Variants in SGMS1 observed in about 807,000 individuals in gnomAD.
SGMS1 encodes the protein sphingomyelin synthase 1, also known as phosphatidylcholine:ceramide cholinephosphotransferase 1.
Under a neutral mutation model 46.2 loss-of-function variants are expected in SGMS1, and 13 were observed. That is an observed-to-expected ratio of 0.28 (90% CI 0.18 to 0.45). The LOEUF is 0.45. Among genes scored for constraint, SGMS1 ranks in the 20% least tolerant of loss-of-function variants. The probability of loss-of-function intolerance (pLI) is 1.00; values close to 1 mark genes in which losing one functional copy is unlikely to be tolerated. For missense variants in SGMS1, 324 were observed against 519.9 expected (o/e 0.62, Z 3.66); for synonymous variants, 203 against 187.8 (o/e 1.08, Z -0.66).
At chr10:50,360,022 T>G (rs985671807) in intron 6 of SGMS1, among the ~76,000 whole-genome samples, 23 of 152,192 alleles carry the variant, frequency 1.5e-4, no homozygotes, top group African/African-American at 4.8e-4. Context: ...GGGAAAGGAT[T>G]TTTTCCCCCA....
At chr10:50,308,205 C>A in intron 9 of SGMS1, 57 bp from the exon 10 acceptor site, 1 of 1,481,286 alleles carries the variant, frequency 6.8e-7, no homozygotes, top group Admixed American at 1.9e-5. Flanking sequence ...TAAGGGCACC[C>A]AACTATGCCT....
intron 2 of SGMS1, among the ~76,000 whole-genome samples, chr10:50,523,636 A>C (rs1837874682): frequency 6.6e-6 from 1 of 152,218 alleles, no homozygotes; most frequent in African/African-American, 2.4e-5. Context: ...GCATATTCTT[A>C]GGGATGGAGA....
At chr10:50,537,966 T>C (rs11006073) in intron 2 of SGMS1, among the ~76,000 whole-genome samples, 1 of 152,032 alleles carries the variant, frequency 6.6e-6, no homozygotes, top group Non-Finnish European at 1.5e-5. Context: ...TATTAAATGT[T>C]TGGTCAGTTC....
intron 1 of SGMS1, among the ~76,000 whole-genome samples, chr10:50,619,207 C>A (rs1838825291): frequency 6.6e-6 from 1 of 152,056 alleles, no homozygotes; most frequent in African/African-American, 2.4e-5. Flanking sequence ...GTGAGTTAAG[C>A]ATCCATCATT....
chr10:50,587,629 A>ATGTGTG lies in SGMS1; in HGVS notation c.-589+2523_-589+2524insCACACA, dbSNP rs1360715847. On this transcript the variant is annotated intron_variant, in intron 2 of 10. Coordinates refer to ENST00000361781, the MANE Select transcript of SGMS1 (RefSeq NM_147156.4). ...ACAGAGCAAGACTGCATCTCAAAAT[A>ATGTGTG]TATATGTGTGTGTGTGTGTGTGTGT... 8.9e-5 allele frequency among the ~76,000 whole-genome samples: 7 copies of ATGTGTG among 79,014 alleles called. No homozygotes were observed. In the South Asian group the frequency reaches 1.8e-3, roughly 21 times the overall value. 51.8% of individuals were successfully genotyped at this position (79,014 alleles called of 152,430 possible). A position where few individuals can be genotyped will look rare whatever the true frequency, so the allele number is the denominator to read the frequency against.
chr10:50,595,885 T>TCCACTGGGCAGGG (rs1168901430), intron 1 of SGMS1, among the ~76,000 whole-genome samples: 1 of 152,156 alleles, frequency 6.6e-6, no homozygotes, highest in Non-Finnish European at 1.5e-5. Context: ...ACGACTGGGT[T>TCCACTGGGCAGGG]CCACTGGGCA....
At chr10:50,493,127 A>C (rs938482157) in intron 3 of SGMS1, among the ~76,000 whole-genome samples, 1 of 152,182 alleles carries the variant, frequency 6.6e-6, no homozygotes, top group Admixed American at 6.5e-5. Context: ...ACACATAAAC[A>C]AAAGAAACAG....
chr10:50,438,784 C>A (rs1269178760), intron 5 of SGMS1, among the ~76,000 whole-genome samples: 3 of 152,156 alleles, frequency 2.0e-5, no homozygotes, highest in Non-Finnish European at 4.4e-5. Context: ...TTAGCACACA[C>A]CCTCCAATTC....
At chr10:50,389,051 T>C (rs188313214) in intron 6 of SGMS1, among the ~76,000 whole-genome samples, 31 of 152,368 alleles carry the variant, frequency 2.0e-4, no homozygotes, top group Admixed American at 1.6e-3. Context: ...AGTTTCACTA[T>C]AGTAATTGTT....
At chr10:50,579,925 C>A (rs1413855845) in intron 2 of SGMS1, among the ~76,000 whole-genome samples, 1 of 151,994 alleles carries the variant, frequency 6.6e-6, no homozygotes, top group East Asian at 1.9e-4. Context: ...GCGTAAGACT[C>A]CAGGTAAGAT....
chr10:50,581,656 C>T (rs1461476275), intron 2 of SGMS1, among the ~76,000 whole-genome samples: 2 of 152,124 alleles, frequency 1.3e-5, no homozygotes, highest in Non-Finnish European at 2.9e-5. Flanking sequence ...TATTATAATT[C>T]CCACAAATAT....
Position 50,552,583 on chromosome 10 carries a change from GC to G in SGMS1, c.-588-32663del, listed in dbSNP as rs201524231. On this transcript the variant is annotated intron_variant, in intron 2 of 10. Coordinates refer to ENST00000361781, the MANE Select transcript of SGMS1 (RefSeq NM_147156.4). ...TTCACATTTTTAACATCTGTGTCCT[GC>G]AAAACAGTTAGGAAATTGTTGACGT... Among the ~76,000 whole-genome samples, 132 of 152,280 alleles carry G rather than the reference GC, an allele frequency of 8.7e-4. No homozygotes were observed. In the East Asian group the frequency reaches 0.018, roughly 21 times the overall value.
intron 2 of SGMS1, among the ~76,000 whole-genome samples, chr10:50,545,347 A>G (rs895471072): frequency 6.6e-6 from 1 of 152,176 alleles, no homozygotes; most frequent in Admixed American, 6.5e-5. Context: ...AAGGCATTGG[A>G]AAGTAGTCGA....
At chr10:50,620,238 G>A (rs1838836675) in intron 1 of SGMS1, among the ~76,000 whole-genome samples, 1 of 152,238 alleles carries the variant, frequency 6.6e-6, no homozygotes, top group South Asian at 2.1e-4. Flanking sequence ...AGGTCCTCTT[G>A]TGACTGGGTA....
intron 3 of SGMS1, among the ~76,000 whole-genome samples, chr10:50,494,952 C>T (rs1017943038): frequency 4.7e-5 from 7 of 150,342 alleles, no homozygotes; most frequent in Non-Finnish European, 7.4e-5. Flanking sequence ...AGGAGAATGG[C>T]GTGAACCCGG....
At chr10:50,420,650 TA>T (rs1849243526) in intron 6 of SGMS1, among the ~76,000 whole-genome samples, 1 of 152,262 alleles carries the variant, frequency 6.6e-6, no homozygotes, top group Admixed American at 6.5e-5. Context: ...TACAATGAGC[TA>T]TACTGGCTGA....
At position 50,306,909 on chromosome 10, in the gene SGMS1, T is replaced by C. The variant is rs190536338; in HGVS notation, c.*233A>G. 198 of 374,552 alleles carry C rather than the reference T, an allele frequency of 5.3e-4. 1 individual carries two copies. Among genetic ancestry groups the C allele is most frequent in the Middle Eastern group, 2.0e-3 (3 of 1,474 alleles). 23.2% of individuals were successfully genotyped at this position (374,552 alleles called of 1,614,324 possible). A position where few individuals can be genotyped will look rare whatever the true frequency, so the allele number is the denominator to read the frequency against. On this transcript the variant is annotated 3_prime_UTR_variant, in exon 11 of 11. Transcript: ENST00000361781. ...GCGGGTTATGTAAATCCCAAACTTA[T>C]GAACAGGAAATGTGTACAGTGCATG...
intron 6 of SGMS1, among the ~76,000 whole-genome samples, chr10:50,414,770 A>G (rs1415115659): frequency 6.6e-6 from 1 of 152,158 alleles, no homozygotes; most frequent in Non-Finnish European, 1.5e-5. Flanking sequence ...TTGGTTCCAA[A>G]TACCCTATCT....
chr10:50,572,501 A>G (rs947497548), intron 2 of SGMS1, among the ~76,000 whole-genome samples: 3 of 152,060 alleles, frequency 2.0e-5, no homozygotes, highest in African/African-American at 7.2e-5. Flanking sequence ...GAGGGGAGGT[A>G]GGAGATGGGT....
Sources: gnomAD v4.1 joint callset for allele counts (sites outside exome capture counted in the v4.1 genomes callset) on GRCh38, gnomAD v4.1.1 for gene constraint, MANE v1.5 for transcripts, NCBI Gene and HGNC (gene_info 2026-07-23, HGNC 2026-07-21) for gene names.